Variants in CSMD1 observed in about 807,000 individuals in gnomAD.
CSMD1 encodes the protein CUB and Sushi multiple domains 1.
Under a neutral mutation model 417.5 loss-of-function variants are expected in CSMD1, and 213 were observed. The observed-to-expected ratio is 0.51, with a 90% CI of 0.46 to 0.57. The LOEUF is 0.57. Ranked by LOEUF, CSMD1 falls within the 20% of genes least tolerant of loss-of-function variation. The pLI, the probability that CSMD1 is intolerant of heterozygous loss-of-function variation, is 0.00. For missense variants in CSMD1, 6,923 were observed against 4,529.7 expected, an observed-to-expected ratio of 1.53 and a Z score of -15.17; for synonymous variants, 2,862 against 1,736.8, an observed-to-expected ratio of 1.65 and a Z score of -16.11.
chr8:4,207,166 A>C (rs1289758430), intron 3 of CSMD1, among the ~76,000 whole-genome samples: 2 of 152,208 alleles, frequency 1.3e-5, no homozygotes, highest in Non-Finnish European at 2.9e-5. Flanking sequence ...TAGGTATAGT[A>C]ATAAGTATAA....
rs1383956 is a variant in CSMD1, at chr8:3,805,427, C to T, written c.819-51385G>A. On this transcript the variant is annotated intron_variant, in intron 5 of 69. Transcript: ENST00000635120. ...AAGGAAAGAAGTGGTCACCTCTCAG[C>T]AGCTCTGAGTGGAGCAGAAATGATC... is the stretch of plus-strand genomic sequence containing the variant. Among the ~76,000 whole-genome samples, 338 of 152,260 alleles carry T rather than the reference C, an allele frequency of 2.2e-3. 2 individuals carry two copies. The highest frequency in any genetic ancestry group is 7.9e-3 in the African/African-American group (330 of 41,562).
At chr8:4,438,150 T>C (rs1798253266) in intron 2 of CSMD1, among the ~76,000 whole-genome samples, 1 of 152,198 alleles carries the variant, frequency 6.6e-6, no homozygotes, top group Non-Finnish European at 1.5e-5. Flanking sequence ...GTGTGCTTCC[T>C]GATTTAGATA....
At chr8:3,130,136 C>T (rs1409296575) in intron 41 of CSMD1, among the ~76,000 whole-genome samples, 3 of 152,078 alleles carry the variant, frequency 2.0e-5, no homozygotes, top group African/African-American at 7.2e-5. Flanking sequence ...TTCTTATTGG[C>T]TCAGATATTA....
At chr8:3,126,549 G>A (rs1817522931) in intron 41 of CSMD1, among the ~76,000 whole-genome samples, 1 of 152,196 alleles carries the variant, frequency 6.6e-6, no homozygotes, top group South Asian at 2.1e-4. Context: ...TAGCATGTCA[G>A]CCATGAATGG....
chr8:4,484,048 T>G (rs1358408228), intron 2 of CSMD1, among the ~76,000 whole-genome samples: 1 of 152,204 alleles, frequency 6.6e-6, no homozygotes, highest in East Asian at 1.9e-4. Flanking sequence ...TTTCTTAGTC[T>G]GCCAAGCAAT....
intron 5 of CSMD1, among the ~76,000 whole-genome samples, chr8:3,762,399 G>A (rs1798056510): frequency 6.6e-6 from 1 of 152,158 alleles, no homozygotes; most frequent in African/African-American, 2.4e-5. Flanking sequence ...GCTCCTCCTT[G>A]GCTATGCCCT....
chr8:3,556,821 T>C (rs1585360165), intron 10 of CSMD1, among the ~76,000 whole-genome samples: 1 of 152,000 alleles, frequency 6.6e-6, no homozygotes, highest in African/African-American at 2.4e-5. Context: ...TGGATGCCCC[T>C]CTCCCTTCAC....
chr8:4,539,729 T>C (rs1478317318), intron 2 of CSMD1, among the ~76,000 whole-genome samples: 1 of 152,224 alleles, frequency 6.6e-6, no homozygotes, highest in Non-Finnish European at 1.5e-5. Context: ...ATTGTGATTT[T>C]ACGGAAACAA....
At chr8:4,446,730 T>C (rs899317326) in intron 2 of CSMD1, among the ~76,000 whole-genome samples, 1 of 137,874 alleles carries the variant, frequency 7.3e-6, no homozygotes, top group Non-Finnish European at 1.5e-5. Context: ...TGTGTGTGTG[T>C]GTCTGTGTGT....
intron 4 of CSMD1, among the ~76,000 whole-genome samples, chr8:4,012,176 A>G (rs1333121671): frequency 2.0e-5 from 3 of 152,148 alleles, no homozygotes; most frequent in Non-Finnish European, 2.9e-5. Context: ...AGAACCCACC[A>G]GTAAACAGGG....
intron 5 of CSMD1, among the ~76,000 whole-genome samples, chr8:3,852,668 G>A (rs1320379609): frequency 7.7e-6 from 1 of 129,074 alleles, no homozygotes; most frequent in Non-Finnish European, 1.6e-5. Flanking sequence ...AGGCCAAGAT[G>A]AATGGTGATG....
chr8:4,708,128 A>ATT (rs80275845), intron 1 of CSMD1, among the ~76,000 whole-genome samples: 1 of 151,576 alleles, frequency 6.6e-6, no homozygotes, highest in South Asian at 2.1e-4. Flanking sequence ...ATTTTTTTTT[A>ATT]TTTTTTTGTA....
intron 3 of CSMD1, among the ~76,000 whole-genome samples, chr8:4,291,863 T>C (rs746210775): frequency 6.6e-6 from 1 of 152,212 alleles, no homozygotes; most frequent in Non-Finnish European, 1.5e-5. Flanking sequence ...CATGTGAAAT[T>C]AGAAGTTTCC....
rs10112565 is a variant in CSMD1 at position 3,401,930 on chromosome 8, G to A, written c.2267-2401C>T. Among the ~76,000 whole-genome samples the A allele has an allele frequency of 8.4e-3, 1,261 of 150,614 alleles. 15 individuals carry two copies. The highest frequency in any genetic ancestry group is 0.029 in the African/African-American group (1,192 of 41,190). On this transcript the variant is annotated intron_variant, in intron 15 of 69. Coordinates refer to ENST00000635120, the MANE Select transcript of CSMD1 (RefSeq NM_033225.6). ...AGCAAATATACCAATGAGCCAATGA[G>A]GTGTTTAGAAAGCAATTTCTTCTTT...
intron 10 of CSMD1, among the ~76,000 whole-genome samples, chr8:3,522,957 G>C (rs1247956431): frequency 1.3e-5 from 2 of 149,338 alleles, no homozygotes; most frequent in Non-Finnish European, 1.5e-5. Flanking sequence ...ATTTAAACCT[G>C]TCTACTCATT....
At chr8:4,221,819 T>A (rs1022942890) in intron 3 of CSMD1, among the ~76,000 whole-genome samples, 2 of 152,164 alleles carry the variant, frequency 1.3e-5, no homozygotes, top group South Asian at 2.1e-4. Context: ...TTTTCCTACT[T>A]GGCTCTGAGA....
At chr8:3,263,178 A>T (rs1204215037) in intron 26 of CSMD1, among the ~76,000 whole-genome samples, 1 of 152,176 alleles carries the variant, frequency 6.6e-6, no homozygotes, top group Admixed American at 6.5e-5. Context: ...AGCTCACTGC[A>T]ACCCCTGCCT....
intron 3 of CSMD1, among the ~76,000 whole-genome samples, chr8:4,349,502 T>C (rs1438650719): frequency 6.6e-6 from 1 of 152,166 alleles, no homozygotes; most frequent in Non-Finnish European, 1.5e-5. Flanking sequence ...ATCTAGAATC[T>C]ACCTTCTTTT....
chr8:4,413,417 G>C (rs1384345387), intron 3 of CSMD1, among the ~76,000 whole-genome samples: 1 of 152,094 alleles, frequency 6.6e-6, no homozygotes, highest in East Asian at 1.9e-4. Context: ...AGCTAAATTT[G>C]TTTCTTTAGG....
Sources: gnomAD v4.1 joint callset for allele counts (sites outside exome capture counted in the v4.1 genomes callset) on GRCh38, gnomAD v4.1.1 for gene constraint, MANE v1.5 for transcripts, NCBI Gene and HGNC (gene_info 2026-07-23, HGNC 2026-07-21) for gene names.